VWDE: variants seen among roughly 807,000 people sequenced by gnomAD.
VWDE encodes the protein von Willebrand factor D and EGF domains.
In VWDE, 207 loss-of-function variants were observed where a neutral mutation model predicts 178.4. That is an observed-to-expected ratio of 1.16 (90% confidence interval 1.04 to 1.30). The LOEUF (loss-of-function observed/expected upper bound fraction) is 1.30, where lower values mean the gene tolerates loss of function less well. VWDE is among the 50% of genes most tolerant of loss of function. The pLI is 0.00. For synonymous variants in VWDE, 738 were observed against 651.4 expected (o/e 1.13, Z -2.02); for missense variants, 2,287 against 1,901.3 (o/e 1.20, Z -3.77).
chr7:12,395,213 T>C (rs1435797903), intron 1 of VWDE, among the ~76,000 whole-genome samples: 2 of 152,176 alleles, frequency 1.3e-5, no homozygotes, highest in South Asian at 2.1e-4. Context: ...AAAATATGTG[T>C]AGATAGGAGT....
intron 3 of VWDE, among the ~76,000 whole-genome samples, chr7:12,386,626 G>C (rs1461546997): frequency 6.6e-6 from 1 of 152,210 alleles, no homozygotes; most frequent in African/African-American, 2.4e-5. Flanking sequence ...TGCTGTTTGA[G>C]ATGTTCTTCC....
At chr7:12,347,985 A>G (rs1382521601) in intron 19 of VWDE, among the ~76,000 whole-genome samples, 3 of 152,180 alleles carry the variant, frequency 2.0e-5, no homozygotes, top group Non-Finnish European at 2.9e-5. Flanking sequence ...AGGATTCCCT[A>G]CTTAATAAAT....
intron 27 of VWDE, among the ~76,000 whole-genome samples, chr7:12,335,870 G>C (rs1453157934): frequency 6.6e-6 from 1 of 151,998 alleles, no homozygotes; most frequent in Non-Finnish European, 1.5e-5. Flanking sequence ...ACCTTCTTTG[G>C]CCCACCTGGG....
intron 4 of VWDE, among the ~76,000 whole-genome samples, chr7:12,383,071 T>C (rs867452033): frequency 6.6e-6 from 1 of 151,898 alleles, no homozygotes; most frequent in Non-Finnish European, 1.5e-5. Flanking sequence ...TTTAATGGTG[T>C]TTGCAAAATA....
At chr7:12,367,594 T>C in intron 12 of VWDE, 101 bp from the exon 13 acceptor site, 11 of 985,018 alleles carry the variant, frequency 1.1e-5, no homozygotes, top group Non-Finnish European at 1.6e-5. Flanking sequence ...TGGAAAATAA[T>C]ATTTTAAAGT....
chr7:12,386,423 G>C (rs1028706501), intron 3 of VWDE, among the ~76,000 whole-genome samples: 4 of 152,146 alleles, frequency 2.6e-5, no homozygotes, highest in Non-Finnish European at 5.9e-5. Context: ...ACTCCCTCAG[G>C]ATAATTCTCC....
At chr7:12,335,454 TC>T (rs1267405582) in intron 27 of VWDE, among the ~76,000 whole-genome samples, 1 of 152,110 alleles carries the variant, frequency 6.6e-6, no homozygotes, top group Non-Finnish European at 1.5e-5. Flanking sequence ...ATTTTTTTTT[TC>T]TTTTTTTACT....
chr7:12,388,650 T>C (rs1331282167), intron 3 of VWDE, among the ~76,000 whole-genome samples: 2 of 152,216 alleles, frequency 1.3e-5, no homozygotes, highest in South Asian at 2.1e-4. Context: ...TCCACTAGAA[T>C]GTAAGTTTCA....
Position 12,370,068 on chromosome 7 carries a change from T to C in VWDE, c.2238A>G (p.Arg746=), listed in dbSNP as rs1783091345. The C allele has an allele frequency of 6.4e-7, 1 of 1,551,478 alleles. No individual in the cohort carries two copies. The highest frequency in any genetic ancestry group is 1.4e-5 in the African/African-American group (1 of 73,036). The change falls in exon 12 of 29, where the codon CGA becomes CGG. Residue 746 remains arginine (R), a synonymous_variant. Transcript: ENST00000275358. The part of the protein sequence containing the change: ...GSHSQEMRYN[R]QNRWKRQNFH... The stretch of plus-strand genomic sequence containing the variant: ...AGTTCTGCCGTTTCCATCTGTTTTG[T>C]CGATTGTACCTCATTTCTTGGCTGT...
chr7:12,402,051 C>A (rs968129914), intron 1 of VWDE, among the ~76,000 whole-genome samples: 1 of 152,082 alleles, frequency 6.6e-6, no homozygotes, highest in Non-Finnish European at 1.5e-5. Context: ...CAAAAGACAA[C>A]CTATTATATG....
At chr7:12,340,476 C>T in intron 23 of VWDE, 59 bp from the exon 24 acceptor site, 2 of 1,333,136 alleles carry the variant, frequency 1.5e-6, no homozygotes, top group Non-Finnish European at 2.1e-6. Context: ...AAAATGAAAG[C>T]TGCACAGAAG....
At chr7:12,383,283 G>A (rs1783943560) in intron 4 of VWDE, among the ~76,000 whole-genome samples, 1 of 152,140 alleles carries the variant, frequency 6.6e-6, no homozygotes, top group Middle Eastern at 3.4e-3. Context: ...TAAGAATGTT[G>A]ATATGAACTG....
At position 12,357,577 on chromosome 7, in the gene VWDE, G is replaced by C; in HGVS notation, c.3275-62C>G. On this transcript the variant is annotated intron_variant, in intron 16 of 28. Transcript: ENST00000275358. ...AGAAAAAGGAATGAAGTGTACTTCT[G>C]AGAGCTCCCACAGAGATATGCATTT... The C allele has an allele frequency of 2.6e-6, 4 of 1,512,390 alleles. No individual in the cohort carries two copies. In the African/African-American group the frequency reaches 4.2e-5, roughly 16 times the overall value. The allele number at this position is 1,512,390 out of a possible 1,614,324, so 93.7% of individuals were successfully genotyped here.
intron 4 of VWDE, 28 bp downstream of exon 4, chr7:12,383,508 T>C (rs925152114): frequency 1.3e-6 from 2 of 1,533,362 alleles, no homozygotes; most frequent in Admixed American, 2.0e-5. Flanking sequence ...ATAAAAACAC[T>C]ATTAAAAAAG....
chr7:12,344,068 T>C (rs1781470577), intron 21 of VWDE, 127 bp downstream of exon 21: 1 of 619,672 alleles, frequency 1.6e-6, no homozygotes. Context: ...TGTAGAGTCC[T>C]ATACCAGCTT....
rs1780685646 is a variant in VWDE at position 12,330,971 on chromosome 7, C to A, written c.*212G>T. On this transcript the variant is annotated 3_prime_UTR_variant, in exon 29 of 29. Transcript: ENST00000275358. ...CATCTCAATATGTAAATATCCTATCCCATCTCAACATCAAATTTAGATTAC... is the reference window on the plus strand; with the variant it reads ...CATCTCAATATGTAAATATCCTATCACATCTCAACATCAAATTTAGATTAC... 5 of 488,546 alleles carry A rather than the reference C, an allele frequency of 1.0e-5. No individual in the cohort carries two copies. In the Middle Eastern group the frequency reaches 1.6e-3, roughly 161 times the overall value. The allele number at this position is 488,546 out of a possible 1,614,324, so 30.3% of individuals were successfully genotyped here.
Position 12,377,891 on chromosome 7 carries a change from C to T in VWDE, c.909G>A (p.Glu303=). 6 of 1,512,012 alleles carry T rather than the reference C, an allele frequency of 4.0e-6. No homozygotes were observed. Among genetic ancestry groups the T allele is most frequent in the East Asian group, 2.5e-5 (1 of 39,416 alleles). 93.7% of individuals were successfully genotyped at this position (1,512,012 alleles called of 1,614,324 possible). A position where few individuals can be genotyped will look rare whatever the true frequency, so the allele number is the denominator to read the frequency against. Residue 303 remains glutamate (E), a synonymous_variant, in exon 7 of 29, where the codon GAG becomes GAA. Transcript: ENST00000275358. Reference sequence around the variant, plus strand: ...TCCTCAGGTAGTATTCTTTCCCATCCTCTGATATAGTGCTCAATTCAGGCT... The same window carrying T: ...TCCTCAGGTAGTATTCTTTCCCATCTTCTGATATAGTGCTCAATTCAGGCT... ...KLQPELSTIS[E]DGKEYYLRIE...
intron 21 of VWDE, among the ~76,000 whole-genome samples, chr7:12,343,391 G>A (rs892253374): frequency 2.0e-5 from 3 of 152,046 alleles, no homozygotes; most frequent in Admixed American, 6.5e-5. Flanking sequence ...TTAATAAAAC[G>A]TTTTGTTAAC....
At chr7:12,354,303 T>C in intron 18 of VWDE, 1 of 383,512 alleles carries the variant, frequency 2.6e-6, no homozygotes, top group South Asian at 2.0e-5. Flanking sequence ...TAAAAAATAA[T>C]TAACTGCAGC....
Sources: gnomAD v4.1 joint callset for allele counts (sites outside exome capture counted in the v4.1 genomes callset) on GRCh38, gnomAD v4.1.1 for gene constraint, MANE v1.5 for transcripts, NCBI Gene and HGNC (gene_info 2026-07-23, HGNC 2026-07-21) for gene names.